Variants in GALNT10 observed in about 807,000 individuals in gnomAD.
The protein encoded by GALNT10 is GalNAc transferase 10.
GALNT10 carries 41 observed loss-of-function variants against 75.0 expected under a neutral mutation model. The ratio of observed to expected loss-of-function variants is 0.55; its 90% CI spans 0.43 to 0.71. GALNT10 has a LOEUF of 0.71. Ranked by LOEUF, GALNT10 falls within the 30% of genes least tolerant of loss-of-function variation. The pLI is 0.00. For synonymous variants in GALNT10, 302 were observed against 313.0 expected (o/e 0.96, Z 0.37); for missense variants, 727 against 818.5 (o/e 0.89, Z 1.36).
chr5:154,311,897 C>A lies in GALNT10; in HGVS notation c.401+13818C>A, dbSNP rs572494656. Among the ~76,000 whole-genome samples the A allele has an allele frequency of 1.8e-3, 277 of 152,256 alleles. 1 individual carries two copies. Among genetic ancestry groups the A allele is most frequent in the African/African-American group, 4.6e-3 (190 of 41,564 alleles). ...AAAGTGCTGAAATTACAGGCATGAG[C>A]CACCGTACCCGGTGGAGGGAAACGT... On this transcript the variant is annotated intron_variant, in intron 3 of 11. Coordinates refer to ENST00000297107, the MANE Select transcript of GALNT10 (RefSeq NM_198321.4).
intron 7 of GALNT10, among the ~76,000 whole-genome samples, chr5:154,399,448 T>C (rs1331795612): frequency 6.6e-6 from 1 of 152,150 alleles, no homozygotes; most frequent in African/African-American, 2.4e-5. Flanking sequence ...GCCTCCTACA[T>C]CTGTTCCACT....
chr5:154,391,442 C>CT (rs1385813243), intron 7 of GALNT10, among the ~76,000 whole-genome samples: 7 of 152,298 alleles, frequency 4.6e-5, no homozygotes, highest in African/African-American at 1.7e-4. Flanking sequence ...AAGTCATTGA[C>CT]TTTCCCTTTC....
intron 3 of GALNT10, among the ~76,000 whole-genome samples, chr5:154,325,483 A>G (rs1169831470): frequency 6.6e-6 from 1 of 152,232 alleles, no homozygotes; most frequent in African/African-American, 2.4e-5. Flanking sequence ...CTAGCAAACC[A>G]TATTCAGCAA....
At chr5:154,414,614 G>C (rs912405829) in intron 10 of GALNT10, among the ~76,000 whole-genome samples, 2 of 151,860 alleles carry the variant, frequency 1.3e-5, no homozygotes, top group East Asian at 3.9e-4. Flanking sequence ...AGATTACAGA[G>C]GAGCATGAGG....
At chr5:154,297,800 C>CT in intron 2 of GALNT10, 141 bp from the exon 3 acceptor site, 1 of 622,132 alleles carries the variant, frequency 1.6e-6, no homozygotes, top group Non-Finnish European at 2.7e-6. Flanking sequence ...ACTCTTTGTA[C>CT]TGAGCAAAAA....
intron 1 of GALNT10, among the ~76,000 whole-genome samples, chr5:154,264,461 C>T (rs1456783001): frequency 1.3e-5 from 2 of 152,032 alleles, no homozygotes; most frequent in African/African-American, 2.4e-5. Flanking sequence ...CTGAAGTACT[C>T]AGTGACCAAG....
intron 3 of GALNT10, among the ~76,000 whole-genome samples, chr5:154,303,506 G>A (rs1007181249): frequency 1.3e-5 from 2 of 152,120 alleles, no homozygotes; most frequent in African/African-American, 4.8e-5. Context: ...CACCCTAAAG[G>A]GCTTTAGGGA....
intron 3 of GALNT10, among the ~76,000 whole-genome samples, chr5:154,314,184 T>C (rs556400695): frequency 6.6e-6 from 1 of 152,276 alleles, no homozygotes; most frequent in African/African-American, 2.4e-5. Context: ...ACAGGAAGGA[T>C]GTATTTTACC....
rs112639020 is a variant in GALNT10, at chr5:154,222,718, C to G, written c.159+31693C>G. 6.7e-3 allele frequency among the ~76,000 whole-genome samples: 1,024 copies of G among 152,266 alleles called. 16 individuals are homozygous for G. Among genetic ancestry groups the G allele is most frequent in the African/African-American group, 0.023 (971 of 41,534 alleles). Reference sequence around the variant, plus strand: ...GAAATTTACATTCTGCCATGAAGAGCATCTCTTCATGTGTTTATTGGCCGT... The same window carrying G: ...GAAATTTACATTCTGCCATGAAGAGGATCTCTTCATGTGTTTATTGGCCGT... On this transcript the variant is annotated intron_variant, in intron 1 of 11. Coordinates refer to ENST00000297107, the MANE Select transcript of GALNT10 (RefSeq NM_198321.4).
At chr5:154,330,913 GTGTGTGTGTGTGTGTGTGTGTGTGTT>G (rs1561663323) in intron 4 of GALNT10, among the ~76,000 whole-genome samples, 37 of 78,506 alleles carry the variant, frequency 4.7e-4, no homozygotes, top group African/African-American at 1.3e-3. Context: ...GAGAGGGTGT[GTGTGTGTGTGTGTGTGTGTGTGTGTT>G]TGTGTGTGTG....
At chr5:154,304,534 C>G (rs905534543) in intron 3 of GALNT10, among the ~76,000 whole-genome samples, 8 of 151,980 alleles carry the variant, frequency 5.3e-5, no homozygotes, top group Non-Finnish European at 1.2e-4. Context: ...AAAGAGAAAA[C>G]TCTGTCAACT....
At chr5:154,306,168 C>T (rs1404720021) in intron 3 of GALNT10, among the ~76,000 whole-genome samples, 5 of 152,110 alleles carry the variant, frequency 3.3e-5, no homozygotes, top group African/African-American at 1.2e-4. Context: ...GCACTGTCAA[C>T]CAATATGACC....
rs1224204973 is a variant in GALNT10 at position 154,419,226 on chromosome 5, C to T, written c.*2254C>T. On this transcript the variant is annotated 3_prime_UTR_variant, in exon 12 of 12. Transcript: ENST00000297107. ...CAAGGGTGACAGGTCAGATTTATTT[C>T]AGTCAGTGCAAGTCACACTCCAAAC... is the stretch of plus-strand genomic sequence containing the variant. The T allele has an allele frequency of 1.3e-5, 2 of 151,948 alleles. No individual in the cohort carries two copies. Among genetic ancestry groups the T allele is most frequent in the African/African-American group, 4.8e-5 (2 of 41,346 alleles). The allele number at this position is 151,948 out of a possible 1,614,324, so 9.4% of individuals were successfully genotyped here. A position where few individuals can be genotyped will look rare whatever the true frequency, so the allele number is the denominator to read the frequency against.
intron 1 of GALNT10, among the ~76,000 whole-genome samples, chr5:154,261,189 A>G (rs1446176201): frequency 3.9e-5 from 6 of 152,222 alleles, no homozygotes; most frequent in Admixed American, 2.0e-4. Flanking sequence ...AAATTCATCA[A>G]TCATGCCTTG....
intron 1 of GALNT10, among the ~76,000 whole-genome samples, chr5:154,273,527 G>A (rs1753902479): frequency 6.6e-6 from 1 of 152,172 alleles, no homozygotes; most frequent in African/African-American, 2.4e-5. Flanking sequence ...ATAATGTCCA[G>A]TAAATAGCCC....
chr5:154,386,621 G>GGGGACGGC, intron 7 of GALNT10, 191 bp downstream of exon 7: 1 of 387,274 alleles, frequency 2.6e-6, no homozygotes, highest in Non-Finnish European at 5.0e-6. Flanking sequence ...GTGTGGGAGG[G>GGGGACGGC]AAGGGGAGTA....
intron 2 of GALNT10, among the ~76,000 whole-genome samples, chr5:154,295,500 A>G (rs1232759435): frequency 6.6e-6 from 1 of 152,166 alleles, no homozygotes; most frequent in Non-Finnish European, 1.5e-5. Flanking sequence ...GTTGATTCCT[A>G]CCTAACACTG....
At chr5:154,342,290 T>C (rs1755046335) in intron 4 of GALNT10, among the ~76,000 whole-genome samples, 1 of 152,182 alleles carries the variant, frequency 6.6e-6, no homozygotes, top group Non-Finnish European at 1.5e-5. Context: ...GAGGAGAACT[T>C]TCTAGTCTGG....
Position 154,312,173 on chromosome 5 carries a change from G to A in GALNT10, c.401+14094G>A, listed in dbSNP as rs866719603. Among the ~76,000 whole-genome samples the A allele has an allele frequency of 2.0e-5, 3 of 152,312 alleles. No individual in the cohort carries two copies. The Middle Eastern group carries it at 0.01, about 518-fold the overall frequency. ...AGCAAAAAGAAAATAATGACTGGAAGATAAGAGTGATTATCAGTTCTCTCC... is the reference window on the plus strand; with the variant it reads ...AGCAAAAAGAAAATAATGACTGGAAAATAAGAGTGATTATCAGTTCTCTCC... On this transcript the variant is annotated intron_variant, in intron 3 of 11. Transcript: ENST00000297107.
Sources: allele counts gnomAD v4.1 joint callset (sites outside exome capture counted in the v4.1 genomes callset), GRCh38; gene constraint gnomAD v4.1.1; transcripts MANE v1.5; gene names NCBI Gene and HGNC (gene_info 2026-07-23, HGNC 2026-07-21).